NBPF12: variants seen among roughly 807,000 people sequenced by gnomAD.
NBPF12 encodes NBPF member 12.
Under a neutral mutation model 146.4 loss-of-function variants are expected in NBPF12, and 115 were observed. That is an observed-to-expected ratio of 0.79 (90% confidence interval 0.68 to 0.92). NBPF12 has a LOEUF of 0.92. Ranked by LOEUF, NBPF12 falls within the 40% of genes least tolerant of loss-of-function variation. The probability of loss-of-function intolerance (pLI) is 0.00; values close to 1 mark genes in which losing one functional copy is unlikely to be tolerated. For missense variants in NBPF12, 1,205 were observed against 1,326.8 expected, an observed-to-expected ratio of 0.91 and a Z score of 1.43; for synonymous variants, 385 against 508.9, an observed-to-expected ratio of 0.76 and a Z score of 3.28.
At chr1:146,944,041 G>A (rs1654915924) in intron 2 of NBPF12, among the ~76,000 whole-genome samples, 1 of 109,164 alleles carries the variant, frequency 9.2e-6, no homozygotes, top group East Asian at 3.1e-4. Flanking sequence ...CCCTCTAGGT[G>A]TGTCCAGGAT....
chr1:146,944,914 CCCTCCCTCCCTG>C (rs1437470703), upstream of NBPF12, among the ~76,000 whole-genome samples: 3 of 107,644 alleles, frequency 2.8e-5, no homozygotes, highest in Non-Finnish European at 5.6e-5. Context: ...CTCCCTTCCT[CCCTCCCTCCCTG>C]CCTCCCTCCC....
intron 2 of NBPF12, among the ~76,000 whole-genome samples, chr1:146,952,301 C>T (rs1229552576): frequency 1.3e-5 from 2 of 152,136 alleles, no homozygotes; most frequent in East Asian, 3.9e-4. Flanking sequence ...CTGGTGCTGC[C>T]CCTGACTCTA....
exon 10 of NBPF12, chr1:146,968,545 G>T (rs1656350274): frequency 6.2e-7 from 1 of 1,605,314 alleles, no homozygotes; most frequent in African/African-American, 1.3e-5. Flanking sequence ...AAGCTGAGGA[G>T]CTCAGGTGAG....
rs1248930548 is a variant in NBPF12, at chr1:146,957,985, GTGTA to G, written c.-183-1872_-183-1869del. On this transcript the variant is annotated intron_variant, in intron 2 of 33. Transcript: ENST00000617844. Reference sequence around the variant, plus strand: ...TACGTGTATACATGTATATATGTGTGTGTATATATATATATACATGTGTATATAT... The same window carrying G: ...TACGTGTATACATGTATATATGTGTGTATATATATATACATGTGTATATAT... Among the ~76,000 whole-genome samples, 68 of 116,264 alleles carry G rather than the reference GTGTA, an allele frequency of 5.8e-4. 4 individuals are homozygous for G. Among genetic ancestry groups the G allele is most frequent in the African/African-American group, 1.5e-3 (48 of 31,290 alleles). The allele number at this position is 116,264 out of a possible 152,430, so 76.3% of individuals were successfully genotyped here.
At chr1:146,963,427 G>T (rs1453043346) in intron 6 of NBPF12, 118 bp downstream of exon 9, 1 of 1,594,396 alleles carries the variant, frequency 6.3e-7, no homozygotes, top group Non-Finnish European at 8.6e-7. Flanking sequence ...CACATATGTG[G>T]CCATGACATG....
intron 2 of NBPF12, chr1:146,951,748 CTTT>C (rs1655332325): frequency 2.8e-6 from 1 of 356,928 alleles, no homozygotes. Context: ...GCCTTGTTTC[CTTT>C]TTAAGATGAT....
chr1:146,946,513 T>C (rs1183862159), upstream of NBPF12, among the ~76,000 whole-genome samples: 20 of 18,286 alleles, frequency 1.1e-3, no homozygotes, highest in South Asian at 3.5e-3. Flanking sequence ...ATCTTTCACC[T>C]TTTTTTTTTT....
upstream of NBPF12, among the ~76,000 whole-genome samples, chr1:146,948,728 C>T (rs1392787128): frequency 2.6e-5 from 4 of 151,740 alleles, no homozygotes; most frequent in South Asian, 2.1e-4. Context: ...GCCCGACACC[C>T]GTAAAGGGTC....
chr1:146,947,832 G>A (rs1432564254), upstream of NBPF12, among the ~76,000 whole-genome samples: 3 of 147,744 alleles, frequency 2.0e-5, no homozygotes, highest in Admixed American at 2.0e-4. Flanking sequence ...GAACATAATA[G>A]TAGTCCTGTT....
At chr1:146,945,789 T>C (rs1434108231), upstream of NBPF12, among the ~76,000 whole-genome samples, 8 of 152,110 alleles carry the variant, frequency 5.3e-5, no homozygotes, top group African/African-American at 1.7e-4. Flanking sequence ...CCACTGTTGA[T>C]ACATCATTAT....
intron 1 of NBPF12, among the ~76,000 whole-genome samples, chr1:146,939,939 C>G (rs1397392514): frequency 6.7e-6 from 1 of 150,274 alleles, no homozygotes; most frequent in African/African-American, 2.5e-5. Flanking sequence ...GCGGAGATAT[C>G]TTGTCACTGC....
chr1:146,965,048 T>C, exon 8 of NBPF12: 1 of 1,608,358 alleles, frequency 6.2e-7, no homozygotes, highest in South Asian at 1.1e-5. Context: ...TCAACTGTGG[T>C]TGTAGACAGA....
chr1:146,981,252 A>G (rs1374506107), intron 19 of NBPF12, among the ~76,000 whole-genome samples: 4 of 131,870 alleles, frequency 3.0e-5, no homozygotes, highest in African/African-American at 1.1e-4. Flanking sequence ...CACGTTGTGC[A>G]CATGTACCCT....
At position 146,972,953 on chromosome 1, in the gene NBPF12, C is replaced by G. The variant is rs1553886823; in HGVS notation, c.1794C>G (p.Asn598Lys). Residue 598 changes from asparagine (N) to lysine (K), a missense_variant, in exon 14 of 34, where the codon AAC becomes AAG. By Grantham distance (94) the Asn-to-Lys change is moderately conservative. Transcript: ENST00000617844. Reference sequence around the variant, plus strand: ...CCTGCTTCCTGGCCAAGCAGCAGAACAAATACAGTAAGATCTATATGCTCA... The same window carrying G: ...CCTGCTTCCTGGCCAAGCAGCAGAAGAAATACAGTAAGATCTATATGCTCA... 1,190 of 922,842 alleles carry G rather than the reference C, an allele frequency of 1.3e-3. 15 individuals carry two copies. Among genetic ancestry groups the G allele is most frequent in the Non-Finnish European group, 1.8e-3 (1,001 of 550,408 alleles). 57.2% of individuals were successfully genotyped at this position (922,842 alleles called of 1,614,324 possible).
chr1:146,963,020 A>G (rs1273875551), intron 5 of NBPF12, 75 bp from the exon 9 acceptor site: 299 of 1,548,796 alleles, frequency 1.9e-4, no homozygotes, highest in Non-Finnish European at 2.4e-4. Flanking sequence ...ATTGTCTCAG[A>G]AATCTCTGTT....
At chr1:146,939,698 T>C (rs1271348345) in intron 1 of NBPF12, among the ~76,000 whole-genome samples, 2,672 of 151,840 alleles carry the variant, frequency 0.018, 93 homozygotes, top group African/African-American at 0.062. Flanking sequence ...CCTCGCTTTC[T>C]TCCTACCTTT....
chr1:146,950,447 A>T (rs1262422361), intron 1 of NBPF12, among the ~76,000 whole-genome samples: 4 of 151,948 alleles, frequency 2.6e-5, no homozygotes, highest in Non-Finnish European at 4.4e-5. Flanking sequence ...CATGGAGGGG[A>T]TAAAGAAGTC....
At chr1:146,986,045 C>T (rs1429026332) in intron 23 of NBPF12, among the ~76,000 whole-genome samples, 2 of 151,926 alleles carry the variant, frequency 1.3e-5, no homozygotes, top group Admixed American at 1.3e-4. Flanking sequence ...TTCATGATCA[C>T]TGTTCACTGT....
chr1:146,983,076 G>T (rs1206392106), exon 20 of NBPF12: 1 of 1,601,920 alleles, frequency 6.2e-7, no homozygotes, highest in African/African-American at 1.4e-5. Flanking sequence ...AGTCTGCATG[G>T]CTGTTGACAT....
Sources: gnomAD v4.1 joint callset for allele counts (sites outside exome capture counted in the v4.1 genomes callset) on GRCh38, gnomAD v4.1.1 for gene constraint, MANE v1.5 for transcripts, NCBI Gene and HGNC (gene_info 2026-07-23, HGNC 2026-07-21) for gene names.